Variants in FBLN1 observed in about 807,000 individuals in gnomAD.
FBLN1 encodes the protein fibulin-1.
In FBLN1, 34 loss-of-function variants were observed where a neutral mutation model predicts 89.7. That is an observed-to-expected ratio of 0.38 (90% CI 0.29 to 0.50). The LOEUF (loss-of-function observed/expected upper bound fraction) is 0.50, where lower values mean the gene tolerates loss of function less well. Among genes scored for constraint, FBLN1 ranks in the 20% least tolerant of loss-of-function variants. The pLI, the probability that FBLN1 is intolerant of heterozygous loss-of-function variation, is 0.92. For missense variants in FBLN1, 777 were observed against 988.1 expected, an observed-to-expected ratio of 0.79 and a Z score of 2.86; for synonymous variants, 393 against 391.3, an observed-to-expected ratio of 1.00 and a Z score of -0.05.
intron 8 of FBLN1, among the ~76,000 whole-genome samples, chr22:45,540,561 G>A (rs182057751): frequency 1.6e-4 from 25 of 152,300 alleles, no homozygotes; most frequent in African/African-American, 5.5e-4. Flanking sequence ...ATGTTTAGAT[G>A]CTTAGGTCCT....
At chr22:45,519,371 A>C (rs2146951623) in intron 2 of FBLN1, among the ~76,000 whole-genome samples, 1 of 152,308 alleles carries the variant, frequency 6.6e-6, no homozygotes, top group Admixed American at 6.5e-5. Context: ...CTGTAATCCC[A>C]GCACTTTGGG....
At chr22:45,529,494 G>A (rs78569695) in intron 4 of FBLN1, among the ~76,000 whole-genome samples, 3,157 of 152,270 alleles carry the variant, frequency 0.021, 115 homozygotes, top group African/African-American at 0.073. Flanking sequence ...GCAGGACTCC[G>A]CCTGGGCCAA....
At position 45,502,999 on chromosome 22, in the gene FBLN1, C is replaced by A. The variant is rs998625486; in HGVS notation, c.14C>A (p.Ala5Glu). 3.3e-6 allele frequency: 4 copies of A among 1,226,264 alleles called. No individual in the cohort carries two copies. In the African/African-American group the frequency reaches 6.3e-5, roughly 19 times the overall value. The allele number at this position is 1,226,264 out of a possible 1,614,324, so 76.0% of individuals were successfully genotyped here. A position where few individuals can be genotyped will look rare whatever the true frequency, so the allele number is the denominator to read the frequency against. MERA[A>E]PSRRVPLPLL... ...CGCCCGCCGCCCATGGAGCGCGCCG[C>A]GCCGTCGCGCCGGGTCCCGCTTCCG... is the stretch of plus-strand genomic sequence containing the variant. The change falls in exon 1 of 17, where the codon GCG becomes GAG. Residue 5 changes from alanine to glutamate, a missense_variant. By Grantham distance (107) the Ala-to-Glu change is moderately radical. Transcript: ENST00000327858.
Position 45,523,248 on chromosome 22 carries a change from A to C in FBLN1, c.186-2295A>C, listed in dbSNP as rs748653673. The C allele has an allele frequency of 1.2e-5, 9 of 738,978 alleles. No homozygotes were observed. The East Asian group carries it at 2.2e-4, about 18-fold the overall frequency. The allele number at this position is 738,978 out of a possible 1,614,324, so 45.8% of individuals were successfully genotyped here. Reference sequence around the variant, plus strand: ...CCAGGGTGGCTGGAGTGGAGCCAGCAACGGCCAGTCCCAGGGAGGAAGCAC... The same window carrying C: ...CCAGGGTGGCTGGAGTGGAGCCAGCCACGGCCAGTCCCAGGGAGGAAGCAC... On this transcript the variant is annotated intron_variant, in intron 2 of 16. Transcript: ENST00000327858.
intron 14 of FBLN1, among the ~76,000 whole-genome samples, chr22:45,571,654 G>T (rs550230761): frequency 6.6e-6 from 1 of 152,334 alleles, no homozygotes; most frequent in Admixed American, 6.5e-5. Context: ...ATGTGCCTTT[G>T]TAATACAGAA....
intron 2 of FBLN1, among the ~76,000 whole-genome samples, chr22:45,525,193 GAGA>G (rs2088307708): frequency 7.4e-6 from 1 of 135,582 alleles, no homozygotes; most frequent in East Asian, 3.0e-4. Context: ...GAGAGAGAGA[GAGA>G]AAGAGAGAAA....
At chr22:45,544,149 C>T (rs1027726861) in intron 11 of FBLN1, among the ~76,000 whole-genome samples, 1 of 152,064 alleles carries the variant, frequency 6.6e-6, no homozygotes, top group African/African-American at 2.4e-5. Flanking sequence ...TGCAATGCTA[C>T]GATCTCGGCT....
chr22:45,513,648 CGA>C (rs200441030), intron 1 of FBLN1, among the ~76,000 whole-genome samples: 11,779 of 152,230 alleles, frequency 0.077, 523 homozygotes, highest in African/African-American at 0.099. Context: ...TCCTCTCCCC[CGA>C]AGCCTGTGGC....
intron 14 of FBLN1, among the ~76,000 whole-genome samples, chr22:45,571,111 C>CAAAAAA (rs542647353): frequency 8.5e-5 from 6 of 70,858 alleles, no homozygotes; most frequent in Admixed American, 1.8e-4. Context: ...ACAAGAGTCT[C>CAAAAAA]AAAAAAAAAA....
At chr22:45,546,179 C>CAG (rs1555956255) in intron 11 of FBLN1, among the ~76,000 whole-genome samples, 6 of 148,150 alleles carry the variant, frequency 4.0e-5, no homozygotes, top group African/African-American at 1.5e-4. Context: ...GACTTTGTCT[C>CAG]AAAAAAAAAA....
chr22:45,579,413 G>A lies in FBLN1; in HGVS notation c.1972+2305G>A, dbSNP rs1237540125. 2.6e-5 allele frequency among the ~76,000 whole-genome samples: 4 copies of A among 152,260 alleles called. No individual in the cohort carries two copies. Among genetic ancestry groups the A allele is most frequent in the Admixed American group, 6.5e-5 (1 of 15,290 alleles). Reference sequence around the variant, plus strand: ...TGATCACAGGTGCCGTCCCGGCAGCGGGCTTCTGGGAACGGAATGTGGATG... The same window carrying A: ...TGATCACAGGTGCCGTCCCGGCAGCAGGCTTCTGGGAACGGAATGTGGATG... On this transcript the variant is annotated intron_variant, in intron 16 of 16. Coordinates refer to ENST00000327858, the MANE Select transcript of FBLN1 (RefSeq NM_006486.3). This position sits in a 1 kb window ranked among gnomAD's most constrained non-coding sequence, Gnocchi z 5.5.
chr22:45,533,966 A>T (rs537578542), intron 7 of FBLN1, 68 bp downstream of exon 7: 1 of 1,602,510 alleles, frequency 6.2e-7, no homozygotes, highest in Non-Finnish European at 8.5e-7. Context: ...TGGGAAGGGC[A>T]GCTCTGGGGT....
chr22:45,570,985 G>T (rs1446720754), intron 14 of FBLN1, among the ~76,000 whole-genome samples: 1 of 151,824 alleles, frequency 6.6e-6, no homozygotes, highest in African/African-American at 2.4e-5. Context: ...AATTAGCATG[G>T]TGGTGCACGT....
At chr22:45,517,938 C>T (rs1483337695) in intron 1 of FBLN1, among the ~76,000 whole-genome samples, 2 of 152,044 alleles carry the variant, frequency 1.3e-5, no homozygotes, top group East Asian at 1.9e-4. Flanking sequence ...CCAGACCAGC[C>T]TAGCCAACAT....
Position 45,579,297 on chromosome 22 carries a change from G to T in FBLN1, c.1972+2189G>T, listed in dbSNP as rs1322866654. On this transcript the variant is annotated intron_variant, in intron 16 of 16. Transcript: ENST00000327858. The surrounding 1 kb of genome is among the most constrained non-coding windows in gnomAD (Gnocchi z 5.5). ...TCCTTCTTCCGTAGGAGGGGAAACT[G>T]AGGCCCGGAAGGGCGAGGGGGCTTG... Among the ~76,000 whole-genome samples the T allele has an allele frequency of 1.3e-5, 2 of 152,274 alleles. No homozygotes were observed. The highest frequency in any genetic ancestry group is 1.3e-4 in the Admixed American group (2 of 15,288).
chr22:45,591,994 G>A (rs6006776), intron 16 of FBLN1, among the ~76,000 whole-genome samples: 23,345 of 115,428 alleles, frequency 0.2, 5,157 homozygotes, highest in African/African-American at 0.56. Context: ...AGACAGGAGG[G>A]AGGAAGTGTC....
rs1465353931 is a variant in FBLN1, at chr22:45,549,281, C to T, written c.1573+537C>T. Among the ~76,000 whole-genome samples, 1 of 152,230 alleles carries T rather than the reference C, an allele frequency of 6.6e-6. No individual in the cohort carries two copies. The highest frequency in any genetic ancestry group is 1.5e-5 in the Non-Finnish European group (1 of 68,032). On this transcript the variant is annotated intron_variant, in intron 13 of 16. Transcript: ENST00000327858. The surrounding 1 kb of genome is among the most constrained non-coding windows in gnomAD (Gnocchi z 5.7). ...TGATAACCATCCATTCAATCACTGA[C>T]AGCGGGTGCTGAGTAGATGTTTGTG...
At chr22:45,507,374 C>T (rs2088036347) in intron 1 of FBLN1, among the ~76,000 whole-genome samples, 1 of 152,120 alleles carries the variant, frequency 6.6e-6, no homozygotes, top group African/African-American at 2.4e-5. Context: ...TTGATGACAC[C>T]CACAAACTCT....
At chr22:45,513,561 C>T (rs951863115) in intron 1 of FBLN1, among the ~76,000 whole-genome samples, 12 of 151,748 alleles carry the variant, frequency 7.9e-5, no homozygotes, top group Non-Finnish European at 1.6e-4. Flanking sequence ...TAAATACAGT[C>T]ACATTATTGT....
Sources: allele counts gnomAD v4.1 joint callset (sites outside exome capture counted in the v4.1 genomes callset), GRCh38; gene constraint gnomAD v4.1.1; non-coding constraint Gnocchi (gnomAD v3.1); transcripts MANE v1.5; gene names NCBI Gene and HGNC (gene_info 2026-07-23, HGNC 2026-07-21).